GLE1: variants seen among roughly 807,000 people sequenced by gnomAD.
GLE1 encodes the protein GLE1 RNA export mediator, also known as mRNA export factor GLE1.
A neutral mutation model predicts 97.3 loss-of-function variants in GLE1; 78 were observed. That is an observed-to-expected ratio of 0.80 (90% CI 0.67 to 0.97). GLE1 has a LOEUF of 0.97. GLE1 is among the 50% of genes least tolerant of loss of function. The pLI, the probability that GLE1 is intolerant of heterozygous loss-of-function variation, is 0.00. For synonymous variants in GLE1, 302 were observed against 313.4 expected, an observed-to-expected ratio of 0.96 and a Z score of 0.39; for missense variants, 753 against 857.5, an observed-to-expected ratio of 0.88 and a Z score of 1.52.
chr9:128,528,742 C>T (rs889458945), intron 9 of GLE1, among the ~76,000 whole-genome samples: 7 of 152,236 alleles, frequency 4.6e-5, no homozygotes, highest in Non-Finnish European at 8.8e-5. Context: ...TGTCCTACAA[C>T]ATTAGCTTTT....
At chr9:128,536,237 T>C (rs1847704860) in intron 11 of GLE1, 118 bp from the exon 12 acceptor site, 1 of 737,136 alleles carries the variant, frequency 1.4e-6, no homozygotes, top group Non-Finnish European at 2.4e-6. Flanking sequence ...TTTCACCACA[T>C]TGGCCAGGCT....
At position 128,504,781 on chromosome 9, in the gene GLE1, C is replaced by T; in HGVS notation, c.-25C>T. 1.3e-6 allele frequency: 2 copies of T among 1,485,066 alleles called. No individual in the cohort carries two copies. Among genetic ancestry groups the T allele is most frequent in the Non-Finnish European group, 1.9e-6 (2 of 1,062,904 alleles). 92.0% of individuals were successfully genotyped at this position (1,485,066 alleles called of 1,614,324 possible). A position where few individuals can be genotyped will look rare whatever the true frequency, so the allele number is the denominator to read the frequency against. On this transcript the variant is annotated 5_prime_UTR_variant, in exon 1 of 16. Transcript: ENST00000309971. The stretch of plus-strand genomic sequence containing the variant: ...GCTTGTTTGGTCAGAAGGGGGGCGT[C>T]AGAGAAGCTGCCCCTTAGCCAACCA...
chr9:128,514,089 GC>G (rs1846907043), intron 2 of GLE1, among the ~76,000 whole-genome samples: 1 of 151,446 alleles, frequency 6.6e-6, no homozygotes, highest in Non-Finnish European at 1.5e-5. Flanking sequence ...TGTAATTGTA[GC>G]ACTTTGGGAG....
At chr9:128,517,063 G>A (rs1815102194) in intron 3 of GLE1, among the ~76,000 whole-genome samples, 1 of 151,970 alleles carries the variant, frequency 6.6e-6, no homozygotes, top group South Asian at 2.1e-4. Context: ...GGTGAGGCAG[G>A]TGGATCACCT....
chr9:128,524,540 CTTTTTTTTTTTTTTTT>C (rs71381767), intron 6 of GLE1, among the ~76,000 whole-genome samples: 1 of 39,622 alleles, frequency 2.5e-5, no homozygotes, highest in African/African-American at 9.3e-5. Flanking sequence ...CTTTGCTTTG[CTTTTTTTTTTTTTTTT>C]TTTTTTTTTT....
intron 10 of GLE1, 23 bp downstream of exon 10, chr9:128,533,678 G>A (rs1212548965): frequency 1.2e-6 from 2 of 1,613,802 alleles, no homozygotes; most frequent in Admixed American, 1.7e-5. Context: ...GTTGCTAGAG[G>A]TATGGGAAGC....
intron 12 of GLE1, among the ~76,000 whole-genome samples, chr9:128,537,630 C>T (rs1847757184): frequency 6.6e-6 from 1 of 151,898 alleles, no homozygotes; most frequent in South Asian, 2.1e-4. Context: ...AAGGTGAAAC[C>T]ATGTCTCTAA....
chr9:128,522,931 T>G, intron 4 of GLE1, 115 bp downstream of exon 4: 1 of 1,211,094 alleles, frequency 8.3e-7, no homozygotes, highest in Non-Finnish European at 1.2e-6. Context: ...AATATCAAGG[T>G]AAAATAGGCA....
intron 14 of GLE1, chr9:128,539,909 C>G (rs940581347): frequency 1.4e-6 from 2 of 1,407,182 alleles, no homozygotes; most frequent in South Asian, 1.4e-5. Flanking sequence ...ATTGCCCAAA[C>G]AAAAACACAA....
At chr9:128,536,557 T>C in intron 12 of GLE1, 73 bp downstream of exon 12, 3 of 1,380,146 alleles carry the variant, frequency 2.2e-6, no homozygotes, top group Non-Finnish European at 3.1e-6. Flanking sequence ...CCACAGGAAA[T>C]GTTGGCCTTC....
At chr9:128,505,503 C>G (rs1846616202) in intron 1 of GLE1, among the ~76,000 whole-genome samples, 1 of 152,136 alleles carries the variant, frequency 6.6e-6, no homozygotes, top group Non-Finnish European at 1.5e-5. Flanking sequence ...TAAAGTATTT[C>G]CCTGTCTTTT....
chr9:128,535,619 A>G (rs1170229235), intron 11 of GLE1, among the ~76,000 whole-genome samples: 3 of 151,074 alleles, frequency 2.0e-5, no homozygotes, highest in African/African-American at 7.3e-5. Flanking sequence ...TCAATAGTTC[A>G]AGACCAGCCT....
At chr9:128,514,749 C>T (rs1237176697) in intron 2 of GLE1, among the ~76,000 whole-genome samples, 1 of 152,160 alleles carries the variant, frequency 6.6e-6, no homozygotes, top group Non-Finnish European at 1.5e-5. Context: ...CCATGTTGGT[C>T]AGGATAGTCT....
At chr9:128,505,015 G>A (rs1489213583) in intron 1 of GLE1, 111 bp downstream of exon 1, 2 of 731,050 alleles carry the variant, frequency 2.7e-6, no homozygotes, top group African/African-American at 1.7e-5. Context: ...CTAACAACCT[G>A]CATTTATTTC....
Position 128,508,945 on chromosome 9 carries a change from C to G in GLE1, c.169C>G (p.Leu57Val). 6.2e-7 allele frequency: 1 copy of G among 1,611,764 alleles called. No individual in the cohort carries two copies. The highest frequency in any genetic ancestry group is 8.5e-7 in the Non-Finnish European group (1 of 1,177,870). ...SYSGWVVEHV[L>V]PHMQENQPLS... ...TTCTGGATGGGTGGTAGAGCACGTC[C>G]TACCCCATATGCAGGAGAACCAACC... The change falls in exon 2 of 16, where the codon CTA becomes GTA. Residue 57 changes from leucine to valine, a missense_variant. Transcript: ENST00000309971.
intron 2 of GLE1, among the ~76,000 whole-genome samples, chr9:128,513,784 A>G (rs1319177955): frequency 6.6e-6 from 1 of 151,884 alleles, no homozygotes; most frequent in Admixed American, 6.6e-5. Flanking sequence ...TGGAAGGCCA[A>G]GGCGGGTGGA....
In GLE1 at chr9:128,526,674, T is replaced by C. The variant is rs531208885; in HGVS notation, c.1130-505T>C. 9.9e-5 allele frequency among the ~76,000 whole-genome samples: 15 copies of C among 151,218 alleles called. No homozygotes were observed. The South Asian group carries it at 1.9e-3, about 19-fold the overall frequency. On this transcript the variant is annotated intron_variant, in intron 7 of 15. Coordinates refer to ENST00000309971, the MANE Select transcript of GLE1 (RefSeq NM_001003722.2). ...GCGCCCAGCGTTTTTTGTTTTTTGT[T>C]TTTTTTTTGAGATAGGAGTCTCACT...
intron 8 of GLE1, 46 bp downstream of exon 8, chr9:128,527,337 T>A: frequency 7.6e-7 from 1 of 1,314,740 alleles, no homozygotes; most frequent in Non-Finnish European, 1.1e-6. Flanking sequence ...TTGATGGTTC[T>A]CAGAGAATGA....
intron 5 of GLE1, 116 bp from the exon 6 acceptor site, chr9:128,523,476 C>G: frequency 7.0e-7 from 1 of 1,432,594 alleles, no homozygotes; most frequent in Non-Finnish European, 9.8e-7. Context: ...TTGGGATGTC[C>G]TCTTCCTGCT....
Sources: allele counts gnomAD v4.1 joint callset (sites outside exome capture counted in the v4.1 genomes callset), GRCh38; gene constraint gnomAD v4.1.1; transcripts MANE v1.5; gene names NCBI Gene and HGNC (gene_info 2026-07-23, HGNC 2026-07-21).